The following TFDP1 variants were observed in gnomAD, a reference collection of about 807,000 sequenced individuals.
TFDP1 encodes DRTF1-polypeptide 1.
A neutral mutation model predicts 48.0 loss-of-function variants in TFDP1; 6 were observed. The observed-to-expected ratio is 0.13, with a 90% CI of 0.07 to 0.25. The LOEUF (loss-of-function observed/expected upper bound fraction) is 0.25. Ranked by LOEUF, TFDP1 falls within the 10% of genes least tolerant of loss-of-function variation. TFDP1 has a pLI of 1.00. For synonymous variants in TFDP1, 201 were observed against 211.6 expected (o/e 0.95, Z 0.44); for missense variants, 335 against 543.0 (o/e 0.62, Z 3.81).
chr13:113,596,564 C>T (rs1279941993), intron 2 of TFDP1, among the ~76,000 whole-genome samples: 2 of 152,172 alleles, frequency 1.3e-5, no homozygotes, highest in African/African-American at 2.4e-5. Flanking sequence ...TGACAGCTCA[C>T]GGGGTGTGCA....
chr13:113,600,599 G>A (rs764015567), intron 2 of TFDP1, among the ~76,000 whole-genome samples: 6 of 148,134 alleles, frequency 4.1e-5, no homozygotes, highest in Middle Eastern at 7.3e-3. Flanking sequence ...ACCCAGGACC[G>A]TGAGAGAGAA....
chr13:113,640,439 C>T lies in TFDP1; in HGVS notation c.*172C>T, dbSNP rs557077152. The T allele has an allele frequency of 7.0e-5, 76 of 1,088,746 alleles. No individual in the cohort carries two copies. The African/African-American group carries it at 8.5e-4, about 12-fold the overall frequency. 67.4% of individuals were successfully genotyped at this position (1,088,746 alleles called of 1,614,324 possible). ...AGGATTGTTTCCCGTAGGATTAGGA[C>T]GTGCTGTGGATGTGTGTTTTGATAC... On this transcript the variant is annotated 3_prime_UTR_variant, in exon 12 of 12. Coordinates refer to ENST00000375370, the MANE Select transcript of TFDP1 (RefSeq NM_007111.5).
At chr13:113,619,032 G>C (rs938900527) in intron 3 of TFDP1, among the ~76,000 whole-genome samples, 5 of 152,214 alleles carry the variant, frequency 3.3e-5, no homozygotes, top group Non-Finnish European at 5.9e-5. Context: ...GGGGGAGGCT[G>C]AGGATCCTGG....
Position 113,633,776 on chromosome 13 carries a change from G to A in TFDP1, c.475-114G>A. On this transcript the variant is annotated intron_variant, in intron 6 of 11. Transcript: ENST00000375370. The surrounding 1 kb of genome is among the most constrained non-coding windows in gnomAD (Gnocchi z 4.5). ...GGGAGCGCTCCCTGAGGGCATGTTGGGGTGGCGGCTCCGTGAGCGGGGTGC... is the reference window on the plus strand; with the variant it reads ...GGGAGCGCTCCCTGAGGGCATGTTGAGGTGGCGGCTCCGTGAGCGGGGTGC... 5 of 1,295,612 alleles carry A rather than the reference G, an allele frequency of 3.9e-6. No individual in the cohort carries two copies. The highest frequency in any genetic ancestry group is 5.3e-6 in the Non-Finnish European group (5 of 936,148). 80.3% of individuals were successfully genotyped at this position (1,295,612 alleles called of 1,614,324 possible).
At chr13:113,639,121 A>AG (rs2049577378) in intron 11 of TFDP1, among the ~76,000 whole-genome samples, 2 of 152,216 alleles carry the variant, frequency 1.3e-5, no homozygotes, top group South Asian at 4.1e-4. Flanking sequence ...TGGTGATGGA[A>AG]GAAAGGACTT....
chr13:113,623,080 C>T lies in TFDP1; in HGVS notation c.80-100C>T, dbSNP rs2049035155. On this transcript the variant is annotated intron_variant, in intron 3 of 11. Coordinates refer to ENST00000375370, the MANE Select transcript of TFDP1 (RefSeq NM_007111.5). This position sits in a 1 kb window ranked among gnomAD's most constrained non-coding sequence, Gnocchi z 5.2. ...GACAGTACACGTGGGGAAAGCTAAG[C>T]ATCTCTAATTGCAAGCACCGTCTTG... 3.0e-6 allele frequency: 3 copies of T among 1,000,354 alleles called. No homozygotes were observed. The highest frequency in any genetic ancestry group is 4.5e-6 in the Non-Finnish European group (3 of 661,700). The allele number at this position is 1,000,354 out of a possible 1,614,324, so 62.0% of individuals were successfully genotyped here. A position where few individuals can be genotyped will look rare whatever the true frequency, so the allele number is the denominator to read the frequency against.
chr13:113,633,891 C>T lies in TFDP1; in HGVS notation c.476C>T (p.Ala159Val), dbSNP rs1170490489. 5 of 1,610,454 alleles carry T rather than the reference C, an allele frequency of 3.1e-6. No homozygotes were observed. The highest frequency in any genetic ancestry group is 2.5e-6 in the Non-Finnish European group (3 of 1,177,932). ...AACTCCACTCCCTGTCATCCCCAGG[C>T]TTATGACCAGAAAAACATAAGACGG... Reference protein sequence around the residue: ...ADNHILPNESAYDQKNIRRRV... With the variant: ...ADNHILPNESVYDQKNIRRRV... The change falls in exon 7 of 12, where the codon GCT becomes GTT. Residue 159 changes from alanine (A) to valine (V), a missense_variant and splice_region_variant. Physicochemically the swap from Ala to Val is moderately conservative, Grantham distance 64 (BLOSUM62 0). This residue lies in a region of TFDP1 where 28 missense variants were observed against 115.5 expected (regional missense o/e 0.24). Transcript: ENST00000375370. This position sits in a 1 kb window ranked among gnomAD's most constrained non-coding sequence, Gnocchi z 4.5.
chr13:113,615,133 A>G (rs1239856021), intron 3 of TFDP1, among the ~76,000 whole-genome samples: 8 of 152,222 alleles, frequency 5.3e-5, no homozygotes, highest in South Asian at 2.1e-4. Flanking sequence ...GGGAGTCCCA[A>G]TGTGGAGGTT....
intron 2 of TFDP1, among the ~76,000 whole-genome samples, chr13:113,597,392 C>T (rs1410430970): frequency 6.6e-6 from 1 of 152,196 alleles, no homozygotes; most frequent in African/African-American, 2.4e-5. Flanking sequence ...TGGACCCCGT[C>T]GCGCTGTCTG....
intron 2 of TFDP1, among the ~76,000 whole-genome samples, chr13:113,591,255 C>G (rs1594400754): frequency 6.9e-6 from 1 of 144,038 alleles, no homozygotes; most frequent in Admixed American, 7.0e-5. Context: ...GAAGGAGAAT[C>G]GCTTGAACCC....
At chr13:113,599,979 A>G (rs1209484736) in intron 2 of TFDP1, among the ~76,000 whole-genome samples, 2 of 149,264 alleles carry the variant, frequency 1.3e-5, no homozygotes, top group African/African-American at 5.0e-5. Context: ...GGGCTCCAGG[A>G]CCATGAGAGA....
At chr13:113,629,180 G>A (rs1228141723) in intron 4 of TFDP1, among the ~76,000 whole-genome samples, 1 of 152,244 alleles carries the variant, frequency 6.6e-6, no homozygotes, top group Non-Finnish European at 1.5e-5. Flanking sequence ...AGAGGAAGGT[G>A]CAGGCACCCT....
At chr13:113,596,076 CGT>C (rs781545508) in intron 2 of TFDP1, among the ~76,000 whole-genome samples, 12 of 151,380 alleles carry the variant, frequency 7.9e-5, no homozygotes, top group Non-Finnish European at 1.6e-4. Flanking sequence ...AGTGAGACTC[CGT>C]CTCAAAAAAA....
At chr13:113,637,122 G>A (rs769893368) in intron 10 of TFDP1, 6 of 179,040 alleles carry the variant, frequency 3.4e-5, no homozygotes, top group East Asian at 1.6e-4. Flanking sequence ...AGTCATTGGC[G>A]TCCTGCTCCG....
intron 2 of TFDP1, among the ~76,000 whole-genome samples, chr13:113,586,977 G>A (rs1318933255): frequency 6.6e-6 from 1 of 152,362 alleles, no homozygotes; most frequent in Admixed American, 6.5e-5. Context: ...TGCTCAGCGC[G>A]CAAGCCATGT....
intron 2 of TFDP1, among the ~76,000 whole-genome samples, chr13:113,610,123 C>T (rs780161378): frequency 5.9e-5 from 9 of 152,088 alleles, no homozygotes; most frequent in Admixed American, 2.6e-4. Context: ...GTGCTCTTGC[C>T]GTGTGGCTGT....
Position 113,636,669 on chromosome 13 carries a change from G to C in TFDP1, c.975G>C (p.Leu325=). Residue 325 remains leucine (L), a synonymous_variant, in exon 10 of 12, where the codon CTG becomes CTC. Transcript: ENST00000375370. The part of the protein sequence containing the change: ...SAEDLKMARS[L]VPKALEPYVT... The stretch of plus-strand genomic sequence containing the variant: ...AAGACCTTAAAATGGCCAGAAGTCT[G>C]GTCCCCAAGGCTCTGGAGCCATACG... 6.2e-7 allele frequency: 1 copy of C among 1,610,546 alleles called. No homozygotes were observed. Among genetic ancestry groups the C allele is most frequent in the South Asian group, 1.1e-5 (1 of 91,078 alleles).
intron 2 of TFDP1, among the ~76,000 whole-genome samples, chr13:113,599,628 A>T (rs2048362278): frequency 6.6e-6 from 1 of 152,082 alleles, no homozygotes; most frequent in African/African-American, 2.4e-5. Context: ...GCCCTGTTGG[A>T]TCAGTGTCCT....
rs1208850637 is a variant in TFDP1, at chr13:113,636,802, AGGCCCACGTGTGTAG to A, written c.1006+107_1006+121del. On this transcript the variant is annotated intron_variant, in intron 10 of 11. Coordinates refer to ENST00000375370, the MANE Select transcript of TFDP1 (RefSeq NM_007111.5). ...GCTCGGGATGTGTCTTGCTGAGATC[AGGCCCACGTGTGTAG>A]GGCCAGGAGCAAAGACAAAGGGGCT... 5.1e-6 allele frequency: 7 copies of A among 1,371,372 alleles called. No homozygotes were observed. The East Asian group carries it at 1.2e-4, about 24-fold the overall frequency. 85.0% of individuals were successfully genotyped at this position (1,371,372 alleles called of 1,614,324 possible).
Sources: gnomAD v4.1 joint callset for allele counts (sites outside exome capture counted in the v4.1 genomes callset) on GRCh38, gnomAD v4.1.1 for gene constraint, gnomAD v4.1.1 regional missense constraint, Gnocchi (gnomAD v3.1) non-coding constraint, MANE v1.5 for transcripts, NCBI Gene and HGNC (gene_info 2026-07-23, HGNC 2026-07-21) for gene names.